The following RPS6KB1 variants were observed in gnomAD, a reference collection of about 807,000 sequenced individuals.
RPS6KB1 encodes the protein ribosomal protein S6 kinase B1, also known as ribosomal protein S6 kinase beta-1.
RPS6KB1 carries 12 observed loss-of-function variants against 70.2 expected under a neutral mutation model. The observed-to-expected ratio is 0.17, with a 90% CI of 0.11 to 0.28. The LOEUF (loss-of-function observed/expected upper bound fraction) is 0.28. Among genes scored for constraint, RPS6KB1 ranks in the 10% least tolerant of loss-of-function variants. The pLI is 1.00. For synonymous variants in RPS6KB1, 175 were observed against 211.2 expected (o/e 0.83, Z 1.49); for missense variants, 270 against 646.6 (o/e 0.42, Z 6.32).
At chr17:59,927,536 C>T (rs1276577661) in intron 5 of RPS6KB1, among the ~76,000 whole-genome samples, 2 of 147,084 alleles carry the variant, frequency 1.4e-5, no homozygotes, top group East Asian at 2.0e-4. Flanking sequence ...GATGGAGTTT[C>T]GCTCTTCTCT....
chr17:59,943,472 T>TAA (rs2044732907), intron 13 of RPS6KB1, among the ~76,000 whole-genome samples: 1 of 152,202 alleles, frequency 6.6e-6, no homozygotes, highest in Non-Finnish European at 1.5e-5. Flanking sequence ...CGTTGCCAGT[T>TAA]AAAGTATTGT....
intron 4 of RPS6KB1, among the ~76,000 whole-genome samples, chr17:59,918,680 T>A (rs183605048): frequency 1.3e-5 from 2 of 152,184 alleles, no homozygotes; most frequent in East Asian, 1.9e-4. Context: ...TCTCTGAGAG[T>A]TTAATTATAA....
At position 59,935,317 on chromosome 17, in the gene RPS6KB1, G is replaced by A; in HGVS notation, c.978+17G>A. ...CTTAAAAAGGTAAGGTTCTTAAATGGTCACTGACACTACAAGATTCAATGA... is the reference window on the plus strand; with the variant it reads ...CTTAAAAAGGTAAGGTTCTTAAATGATCACTGACACTACAAGATTCAATGA... On this transcript the variant is annotated intron_variant, in intron 10 of 14. Transcript: ENST00000225577. 3.0e-6 allele frequency: 4 copies of A among 1,336,112 alleles called. No individual in the cohort carries two copies. The South Asian group carries it at 3.6e-5, about 12-fold the overall frequency. The allele number at this position is 1,336,112 out of a possible 1,614,324, so 82.8% of individuals were successfully genotyped here. A position where few individuals can be genotyped will look rare whatever the true frequency, so the allele number is the denominator to read the frequency against.
At chr17:59,912,475 C>T in intron 2 of RPS6KB1, 2 of 458,232 alleles carry the variant, frequency 4.4e-6, no homozygotes, top group Non-Finnish European at 7.9e-6. Context: ...ATTGATTGCC[C>T]ATTCTATGAA....
chr17:59,909,348 A>C (rs2042484975), intron 1 of RPS6KB1, among the ~76,000 whole-genome samples: 1 of 133,654 alleles, frequency 7.5e-6, no homozygotes, highest in African/African-American at 2.8e-5. Context: ...GCTCACCGCA[A>C]CTTCTGCCTT....
Position 59,946,961 on chromosome 17 carries a change from C to CAA in RPS6KB1, c.*181_*182dup. ...GATTTTAAAAAATCAATCAATGGTG[C>CAA]AAAAAAAAACTTAAAGCAAAATAGT... On this transcript the variant is annotated 3_prime_UTR_variant, in exon 15 of 15. Transcript: ENST00000225577. This position sits in a 1 kb window ranked among gnomAD's most constrained non-coding sequence, Gnocchi z 4.2. 7.0e-7 allele frequency: 1 copy of CAA among 1,420,684 alleles called. No individual in the cohort carries two copies. Among genetic ancestry groups the CAA allele is most frequent in the Non-Finnish European group, 9.2e-7 (1 of 1,086,108 alleles). 88.0% of individuals were successfully genotyped at this position (1,420,684 alleles called of 1,614,324 possible). A position where few individuals can be genotyped will look rare whatever the true frequency, so the allele number is the denominator to read the frequency against.
Position 59,946,493 on chromosome 17 carries a change from T to C in RPS6KB1, c.1341-58T>C. 1.6e-6 allele frequency: 2 copies of C among 1,255,920 alleles called. No homozygotes were observed. Among genetic ancestry groups the C allele is most frequent in the South Asian group, 2.4e-5 (2 of 82,622 alleles). The allele number at this position is 1,255,920 out of a possible 1,614,324, so 77.8% of individuals were successfully genotyped here. A position where few individuals can be genotyped will look rare whatever the true frequency, so the allele number is the denominator to read the frequency against. On this transcript the variant is annotated intron_variant, in intron 14 of 14. Transcript: ENST00000225577. The surrounding 1 kb of genome is among the most constrained non-coding windows in gnomAD (Gnocchi z 4.2). ...CCACTCCCTTTAAACGTAAAGGAAA[T>C]ATGTCTTGTTGAGATGACCCTTAAG...
At chr17:59,933,726 T>C (rs1568480870) in intron 7 of RPS6KB1, among the ~76,000 whole-genome samples, 2 of 152,224 alleles carry the variant, frequency 1.3e-5, no homozygotes, top group Non-Finnish European at 2.9e-5. Context: ...TTTTAAGGAC[T>C]CTTCACAGTT....
intron 5 of RPS6KB1, among the ~76,000 whole-genome samples, chr17:59,929,399 C>T (rs1046984059): frequency 2.6e-5 from 4 of 152,210 alleles, no homozygotes; most frequent in African/African-American, 9.6e-5. Flanking sequence ...GCGCCCAGCC[C>T]ACATTCAGTT....
intron 1 of RPS6KB1, among the ~76,000 whole-genome samples, chr17:59,894,986 C>T (rs551114385): frequency 1.1e-5 from 1 of 90,210 alleles, no homozygotes. Context: ...TGTGCTTTTT[C>T]TTTTCTTTTC....
At chr17:59,945,345 C>T (rs2044861375) in intron 13 of RPS6KB1, 61 bp from the exon 14 acceptor site, 1 of 866,334 alleles carries the variant, frequency 1.2e-6, no homozygotes, top group Non-Finnish European at 1.9e-6. Flanking sequence ...ACTGAACAAC[C>T]CCATTCTCTT....
chr17:59,946,503 T>C lies in RPS6KB1; in HGVS notation c.1341-48T>C, dbSNP rs375037207. 51 of 1,344,234 alleles carry C rather than the reference T, an allele frequency of 3.8e-5. No individual in the cohort carries two copies. The highest frequency in any genetic ancestry group is 4.8e-5 in the Non-Finnish European group (45 of 936,106). The allele number at this position is 1,344,234 out of a possible 1,614,324, so 83.3% of individuals were successfully genotyped here. A position where few individuals can be genotyped will look rare whatever the true frequency, so the allele number is the denominator to read the frequency against. On this transcript the variant is annotated intron_variant, in intron 14 of 14. Coordinates refer to ENST00000225577, the MANE Select transcript of RPS6KB1 (RefSeq NM_003161.4). The surrounding 1 kb of genome is among the most constrained non-coding windows in gnomAD (Gnocchi z 4.2). ...TAAACGTAAAGGAAATATGTCTTGT[T>C]GAGATGACCCTTAAGCAAATGAATG...
At position 59,935,968 on chromosome 17, in the gene RPS6KB1, C is replaced by T. The variant is rs528962440; in HGVS notation, c.979-247C>T. Among the ~76,000 whole-genome samples, 7 of 151,736 alleles carry T rather than the reference C, an allele frequency of 4.6e-5. No homozygotes were observed. The South Asian group carries it at 1.0e-3, about 23-fold the overall frequency. On this transcript the variant is annotated intron_variant, in intron 10 of 14. Coordinates refer to ENST00000225577, the MANE Select transcript of RPS6KB1 (RefSeq NM_003161.4). ...CTGGGATTACAGGTGTTCACCACCA[C>T]GCCAGGCTAATTTTTGTATTTTTAG... is the stretch of plus-strand genomic sequence containing the variant.
At chr17:59,932,949 C>T (rs2044016560) in intron 7 of RPS6KB1, among the ~76,000 whole-genome samples, 1 of 152,164 alleles carries the variant, frequency 6.6e-6, no homozygotes, top group Non-Finnish European at 1.5e-5. Flanking sequence ...CACAGTGAGC[C>T]TTGACTACAA....
At chr17:59,914,557 G>A (rs2042831502) in intron 3 of RPS6KB1, 78 bp from the exon 4 acceptor site, 2 of 1,041,714 alleles carry the variant, frequency 1.9e-6, no homozygotes, top group Admixed American at 1.9e-5. Context: ...TGTGGCATAT[G>A]TTTCTTATAA....
At chr17:59,912,570 C>A in intron 2 of RPS6KB1, 114 bp from the exon 3 acceptor site, 1 of 1,087,454 alleles carries the variant, frequency 9.2e-7, no homozygotes, top group Non-Finnish European at 1.3e-6. Flanking sequence ...GTGTCATGTA[C>A]TTTTTTACTT....
chr17:59,916,768 C>G (rs1424286383), intron 4 of RPS6KB1, among the ~76,000 whole-genome samples: 2 of 152,042 alleles, frequency 1.3e-5, no homozygotes, highest in Non-Finnish European at 2.9e-5. Context: ...CATTTTTTCC[C>G]TTTTTCTTAG....
chr17:59,913,542 G>A (rs995011117), intron 3 of RPS6KB1, among the ~76,000 whole-genome samples: 3 of 152,158 alleles, frequency 2.0e-5, no homozygotes, highest in African/African-American at 7.2e-5. Context: ...GCATGAAAAT[G>A]TTTATAGTTG....
rs1401627554 is a variant in RPS6KB1 at position 59,894,407 on chromosome 17, T to A, written c.141+1082T>A. ...TGGTAGTTTAGCATCTAAATTCCAA[T>A]GTCTAGTTGAATACATGGGTTAATG... is the stretch of plus-strand genomic sequence containing the variant. On this transcript the variant is annotated intron_variant, in intron 1 of 14. Transcript: ENST00000225577. Among the ~76,000 whole-genome samples the A allele has an allele frequency of 3.3e-5, 5 of 152,190 alleles. No homozygotes were observed. The South Asian group carries it at 1.0e-3, about 31-fold the overall frequency.
Sources: allele counts gnomAD v4.1 joint callset (sites outside exome capture counted in the v4.1 genomes callset), GRCh38; gene constraint gnomAD v4.1.1; non-coding constraint Gnocchi (gnomAD v3.1); transcripts MANE v1.5; gene names NCBI Gene and HGNC (gene_info 2026-07-23, HGNC 2026-07-21).